ADAMTSL1: variants seen among roughly 807,000 people sequenced by gnomAD.
ADAMTSL1 encodes the protein ADAMTS like 1, also known as ADAMTS-like protein 1.
A neutral mutation model predicts 201.8 loss-of-function variants in ADAMTSL1; 126 were observed. That is an observed-to-expected ratio of 0.62 (90% CI 0.54 to 0.72). The LOEUF is 0.72. Ranked by LOEUF, ADAMTSL1 falls within the 30% of genes least tolerant of loss-of-function variation. ADAMTSL1 has a pLI of 0.00. For synonymous variants in ADAMTSL1, 1,121 were observed against 903.4 expected (o/e 1.24, Z -4.32); for missense variants, 2,679 against 2,277.8 (o/e 1.18, Z -3.59).
At chr9:18,336,218 AT>A (rs2132938029) in intron 2 of ADAMTSL1, among the ~76,000 whole-genome samples, 1 of 152,174 alleles carries the variant, frequency 6.6e-6, no homozygotes, top group East Asian at 1.9e-4. Flanking sequence ...TTGGAGAAAC[AT>A]TGTTTTGTCT....
At chr9:18,486,993 C>G (rs896786694) in intron 1 of ADAMTSL1, among the ~76,000 whole-genome samples, 4 of 152,106 alleles carry the variant, frequency 2.6e-5, no homozygotes, top group Admixed American at 6.5e-5. Context: ...AGGCATCACA[C>G]GTGAAGTTCC....
chr9:18,652,026 T>A (rs1362830232), intron 7 of ADAMTSL1, among the ~76,000 whole-genome samples: 1 of 152,086 alleles, frequency 6.6e-6, no homozygotes, highest in Non-Finnish European at 1.5e-5. Context: ...GATAAAAGAC[T>A]AGATAGACAG....
At chr9:18,046,694 A>G (rs1208873779) in intron 1 of ADAMTSL1, among the ~76,000 whole-genome samples, 2 of 152,154 alleles carry the variant, frequency 1.3e-5, no homozygotes, top group Non-Finnish European at 2.9e-5. Context: ...TAATTATACA[A>G]TCTACCATTT....
intron 19 of ADAMTSL1, among the ~76,000 whole-genome samples, chr9:18,786,147 C>A (rs1290971491): frequency 6.6e-6 from 1 of 152,194 alleles, no homozygotes; most frequent in Non-Finnish European, 1.5e-5. Context: ...CTTATTTCTT[C>A]CTGTGGGTGG....
At position 18,706,695 on chromosome 9, in the gene ADAMTSL1, C is replaced by T. The variant is rs1250967755; in HGVS notation, c.1575-52C>T. The T allele has an allele frequency of 2.7e-6, 4 of 1,505,160 alleles. No homozygotes were observed. In the African/African-American group the frequency reaches 4.1e-5, roughly 16 times the overall value. The allele number at this position is 1,505,160 out of a possible 1,614,324, so 93.2% of individuals were successfully genotyped here. A position where few individuals can be genotyped will look rare whatever the true frequency, so the allele number is the denominator to read the frequency against. The stretch of plus-strand genomic sequence containing the variant: ...ATGCAGCCCCTCACAGCCCCCATGG[C>T]TTCCTGCCTGGGGCTTCTCATCCTG... On this transcript the variant is annotated intron_variant, in intron 13 of 28. Coordinates refer to ENST00000380548, the MANE Select transcript of ADAMTSL1 (RefSeq NM_001040272.6).
At chr9:18,887,339 C>T (rs1436371892) in intron 23 of ADAMTSL1, among the ~76,000 whole-genome samples, 1 of 152,138 alleles carries the variant, frequency 6.6e-6, no homozygotes, top group Non-Finnish European at 1.5e-5. Flanking sequence ...TCTAAAATTG[C>T]TTTCCTAGTC....
intron 2 of ADAMTSL1, among the ~76,000 whole-genome samples, chr9:18,305,708 C>T (rs1833882712): frequency 6.6e-6 from 1 of 152,236 alleles, no homozygotes; most frequent in African/African-American, 2.4e-5. Flanking sequence ...CAGCCGCAGT[C>T]AGGGGCTTAT....
At chr9:18,349,457 A>T (rs1052266253) in intron 2 of ADAMTSL1, among the ~76,000 whole-genome samples, 1 of 152,130 alleles carries the variant, frequency 6.6e-6, no homozygotes, top group Non-Finnish European at 1.5e-5. Flanking sequence ...TTTCTAGAAG[A>T]CCAAACTTGT....
At chr9:18,645,624 A>G (rs538184907) in intron 7 of ADAMTSL1, among the ~76,000 whole-genome samples, 1 of 151,934 alleles carries the variant, frequency 6.6e-6, no homozygotes, top group South Asian at 2.1e-4. Flanking sequence ...CAGTTTTCCC[A>G]GCACCATTTA....
chr9:18,127,449 G>T (rs1364226728), intron 1 of ADAMTSL1, among the ~76,000 whole-genome samples: 4 of 150,104 alleles, frequency 2.7e-5, no homozygotes, highest in Non-Finnish European at 5.9e-5. Flanking sequence ...GTGGATCTGT[G>T]TGTGGGGTGG....
chr9:18,609,212 A>C (rs1445700053), intron 4 of ADAMTSL1, among the ~76,000 whole-genome samples: 1 of 152,222 alleles, frequency 6.6e-6, no homozygotes, highest in Non-Finnish European at 1.5e-5. Context: ...ACTCTGAAAA[A>C]TCAGTAGTCC....
chr9:18,703,133 A>T (rs1832018853), intron 13 of ADAMTSL1, among the ~76,000 whole-genome samples: 1 of 152,152 alleles, frequency 6.6e-6, no homozygotes, highest in African/African-American at 2.4e-5. Context: ...TAATGTACTG[A>T]TTTAAAAACA....
At chr9:17,948,289 T>G (rs895757642) in intron 1 of ADAMTSL1, among the ~76,000 whole-genome samples, 2 of 152,208 alleles carry the variant, frequency 1.3e-5, no homozygotes, top group African/African-American at 4.8e-5. Flanking sequence ...CAGGGCTGAC[T>G]GCGAGACCTT....
intron 3 of ADAMTSL1, among the ~76,000 whole-genome samples, chr9:18,567,905 A>G (rs956905386): frequency 6.6e-5 from 10 of 152,220 alleles, no homozygotes; most frequent in Non-Finnish European, 1.2e-4. Context: ...TTCTAACAAT[A>G]TGCTGTAAAA....
chr9:18,850,948 A>T (rs907956086), intron 23 of ADAMTSL1, among the ~76,000 whole-genome samples: 7 of 152,200 alleles, frequency 4.6e-5, no homozygotes, highest in African/African-American at 1.7e-4. Flanking sequence ...GCCATATGCA[A>T]TGTGCCCAGT....
At chr9:18,068,136 A>G (rs772227116) in intron 1 of ADAMTSL1, among the ~76,000 whole-genome samples, 1 of 152,062 alleles carries the variant, frequency 6.6e-6, no homozygotes. Flanking sequence ...CTTCCTGTGA[A>G]TCAGTAAAGG....
intron 2 of ADAMTSL1, among the ~76,000 whole-genome samples, chr9:18,181,935 C>T (rs1431614289): frequency 5.9e-5 from 9 of 152,088 alleles, no homozygotes; most frequent in South Asian, 4.1e-4. Flanking sequence ...GGCACATATA[C>T]ACCATGGAAT....
intron 23 of ADAMTSL1, among the ~76,000 whole-genome samples, chr9:18,871,890 C>T (rs1563876119): frequency 6.6e-6 from 1 of 152,112 alleles, no homozygotes; most frequent in Non-Finnish European, 1.5e-5. Flanking sequence ...TAGATAATAC[C>T]ACTTCCCGTC....
At chr9:18,538,165 G>T (rs987011879) in intron 3 of ADAMTSL1, among the ~76,000 whole-genome samples, 1 of 152,108 alleles carries the variant, frequency 6.6e-6, no homozygotes, top group Non-Finnish European at 1.5e-5. Flanking sequence ...GGATCATTGC[G>T]GTAGTTCAGG....
Sources: allele counts gnomAD v4.1 joint callset (sites outside exome capture counted in the v4.1 genomes callset), GRCh38; gene constraint gnomAD v4.1.1; transcripts MANE v1.5; gene names NCBI Gene and HGNC (gene_info 2026-07-23, HGNC 2026-07-21).